The following TEX15 variants were observed in gnomAD, a reference collection of about 807,000 sequenced individuals.
TEX15 encodes the protein testis-expressed protein 15.
Under a neutral mutation model 237.3 loss-of-function variants are expected in TEX15, and 171 were observed. The ratio of observed to expected loss-of-function variants is 0.72; its 90% CI spans 0.64 to 0.82. The LOEUF (loss-of-function observed/expected upper bound fraction) is 0.82, where lower values mean the gene tolerates loss of function less well. Among genes scored for constraint, TEX15 ranks in the 40% least tolerant of loss-of-function variants. TEX15 has a pLI of 0.00. For synonymous variants in TEX15, 1,338 were observed against 1,269.8 expected, an observed-to-expected ratio of 1.05 and a Z score of -1.14; for missense variants, 3,750 against 3,646.5, an observed-to-expected ratio of 1.03 and a Z score of -0.73.
At chr8:30,860,933 A>G (rs1394400416) in intron 5 of TEX15, among the ~76,000 whole-genome samples, 1 of 151,468 alleles carries the variant, frequency 6.6e-6, no homozygotes, top group African/African-American at 2.4e-5. Flanking sequence ...TTTTTTTTTT[A>G]AGTCTGGGTT....
intron 1 of TEX15, among the ~76,000 whole-genome samples, chr8:30,911,159 G>T (rs979765544): frequency 6.6e-6 from 1 of 151,718 alleles, no homozygotes; most frequent in Non-Finnish European, 1.5e-5. Context: ...TCGCTCTGTC[G>T]CCCGGGCTGG....
chr8:30,877,255 A>G (rs543921636), intron 3 of TEX15, among the ~76,000 whole-genome samples: 1 of 152,334 alleles, frequency 6.6e-6, no homozygotes, highest in Non-Finnish European at 1.5e-5. Flanking sequence ...AGCATTGCTG[A>G]GTAACAAGTT....
intron 3 of TEX15, among the ~76,000 whole-genome samples, chr8:30,883,968 G>C (rs1808593397): frequency 1.3e-5 from 2 of 152,182 alleles, no homozygotes; most frequent in South Asian, 4.1e-4. Flanking sequence ...TTACATTCTT[G>C]CTTGATTCTT....
chr8:30,853,589 T>A (rs955594874), intron 7 of TEX15, among the ~76,000 whole-genome samples: 30 of 152,274 alleles, frequency 2.0e-4, no homozygotes, highest in East Asian at 3.9e-4. Context: ...TATGGGAGGA[T>A]GTGTGTAGGT....
intron 7 of TEX15, among the ~76,000 whole-genome samples, chr8:30,854,359 C>CT (rs1334748031): frequency 6.7e-6 from 1 of 149,230 alleles, no homozygotes; most frequent in East Asian, 1.9e-4. Flanking sequence ...TAAAGGAATA[C>CT]TATAAGCAAA....
intron 2 of TEX15, among the ~76,000 whole-genome samples, chr8:30,896,949 G>A (rs565937526): frequency 6.6e-6 from 1 of 152,318 alleles, no homozygotes; most frequent in South Asian, 2.1e-4. Flanking sequence ...AATATGTGGG[G>A]TGGTGGGAGG....
intron 2 of TEX15, among the ~76,000 whole-genome samples, chr8:30,898,150 A>G (rs1563277305): frequency 1.3e-5 from 2 of 152,204 alleles, no homozygotes; most frequent in African/African-American, 4.8e-5. Context: ...CAATTTACCC[A>G]TTTTTCTATC....
chr8:30,844,767 T>G lies in TEX15; in HGVS notation c.5400A>C (p.Glu1800Asp). 6.2e-7 allele frequency: 1 copy of G among 1,613,506 alleles called. No homozygotes were observed. Among genetic ancestry groups the G allele is most frequent in the South Asian group, 1.1e-5 (1 of 91,060 alleles). ...NYELDVASGT[E>D]EDKSYGENIV... ...TATTTTCCCCATAACTTTTATCTTC[T>G]TCAGTTCCTGATGCTACATCCAACT... The change falls in exon 8 of 11, where the codon GAA (glutamate) becomes GAC (aspartate). Residue 1800 changes from glutamate (E) to aspartate (D), a missense_variant. Physicochemically the swap from Glu to Asp is conservative, Grantham distance 45. Coordinates refer to ENST00000643185, the MANE Select transcript of TEX15 (RefSeq NM_001350162.2).
Position 30,842,724 on chromosome 8 carries a change from A to T in TEX15, c.7443T>A (p.Leu2481=), listed in dbSNP as rs1364245467. The T allele has an allele frequency of 3.1e-6, 5 of 1,613,430 alleles. No individual in the cohort carries two copies. Among genetic ancestry groups the T allele is most frequent in the Middle Eastern group, 1.6e-4 (1 of 6,076 alleles). Residue 2481 remains leucine (L), a synonymous_variant, in exon 8 of 11, where the codon CTT becomes CTA. Transcript: ENST00000643185. Reference sequence around the variant, plus strand: ...CTTGGCACTGAACCAGCTCAGGAAGAAGTGACAAATCAAACCAAAGCATAC... The same window carrying T: ...CTTGGCACTGAACCAGCTCAGGAAGTAGTGACAAATCAAACCAAAGCATAC... ...FRGMLWFDLS[L]LPELVQCQEK... is the part of the protein sequence containing the mutation.
intron 7 of TEX15, among the ~76,000 whole-genome samples, chr8:30,850,151 A>C (rs1807746273): frequency 6.6e-6 from 1 of 152,156 alleles, no homozygotes; most frequent in Non-Finnish European, 1.5e-5. Context: ...AAGTTCCATA[A>C]AATCTTTCCC....
In TEX15 at chr8:30,874,951, A is replaced by T; in HGVS notation, c.288T>A (p.Asn96Lys). The T allele has an allele frequency of 9.7e-6, 13 of 1,336,654 alleles. No homozygotes were observed. The highest frequency in any genetic ancestry group is 2.3e-5 in the South Asian group (1 of 43,222). The allele number at this position is 1,336,654 out of a possible 1,614,324, so 82.8% of individuals were successfully genotyped here. A position where few individuals can be genotyped will look rare whatever the true frequency, so the allele number is the denominator to read the frequency against. ...KLVHNEELEK[N>K]FTAKRSEMRE... ...TAGTAACTTACCTCTTAGCAGTAAA[A>T]TTTTTTTCCAGTTCCTCATTGTGAA... Residue 96 changes from asparagine (N) to lysine (K), a missense_variant, in exon 4 of 11, where the codon AAT becomes AAA. Physicochemically the swap from Asn to Lys is moderately conservative, Grantham distance 94 (BLOSUM62 0). Transcript: ENST00000643185.
At chr8:30,911,419 TAGGACTAC>T (rs1809216991) in intron 1 of TEX15, among the ~76,000 whole-genome samples, 1 of 152,242 alleles carries the variant, frequency 6.6e-6, no homozygotes, top group Non-Finnish European at 1.5e-5. Context: ...CCCAAAATGC[TAGGACTAC>T]AGGCGTTGAG....
chr8:30,841,902 C>T, intron 8 of TEX15, 102 bp downstream of exon 8: 2 of 727,080 alleles, frequency 2.8e-6, no homozygotes, highest in Non-Finnish European at 4.3e-6. Context: ...AGACAATTTA[C>T]CATTCTTAAC....
rs1195516158 is a variant in TEX15, at chr8:30,843,908, C to A, written c.6259G>T (p.Glu2087Ter). 6.2e-7 allele frequency: 1 copy of A among 1,611,482 alleles called. No individual in the cohort carries two copies. The highest frequency in any genetic ancestry group is 2.2e-5 in the East Asian group (1 of 44,862). ...QMMMETIQFI[E>*]NKKRHLEGEP... ...CCTTCTAAGTGCCTTTTTTTGTTTT[C>A]AATGAATTGAATTGTTTCCATCATC... The change falls in exon 8 of 11, where the codon GAA becomes TAA. Residue 2087 changes from glutamate to a stop codon, truncating the protein, a stop_gained. Coordinates refer to ENST00000643185, the MANE Select transcript of TEX15 (RefSeq NM_001350162.2). LOFTEE classifies it high-confidence loss of function.
At chr8:30,875,465 T>C (rs1014048181) in intron 3 of TEX15, among the ~76,000 whole-genome samples, 2 of 152,222 alleles carry the variant, frequency 1.3e-5, no homozygotes, top group African/African-American at 4.8e-5. Flanking sequence ...CAAGTAAAGA[T>C]AAGGCAATCT....
chr8:30,908,755 A>G (rs1413915286), intron 1 of TEX15, among the ~76,000 whole-genome samples: 2 of 152,174 alleles, frequency 1.3e-5, no homozygotes, highest in Non-Finnish European at 2.9e-5. Context: ...TTTGTTTTTG[A>G]TAAGAGGGGT....
chr8:30,877,279 A>G (rs1808420019), intron 3 of TEX15, among the ~76,000 whole-genome samples: 1 of 152,192 alleles, frequency 6.6e-6, no homozygotes, highest in Non-Finnish European at 1.5e-5. Context: ...ACAAAAAAGC[A>G]CTGCTGACTG....
At chr8:30,891,481 A>AC (rs1287647644) in intron 2 of TEX15, among the ~76,000 whole-genome samples, 114 of 144,046 alleles carry the variant, frequency 7.9e-4, no homozygotes, top group African/African-American at 2.2e-3. Flanking sequence ...TTCTCCCCGC[A>AC]CCCCCCCTTT....
At chr8:30,887,379 C>T in intron 2 of TEX15, 68 bp from the exon 3 acceptor site, 1 of 1,281,442 alleles carries the variant, frequency 7.8e-7, no homozygotes, top group Non-Finnish European at 1.0e-6. Flanking sequence ...GCAGTACAAT[C>T]ATTTAAAAGT....
Sources: allele counts gnomAD v4.1 joint callset (sites outside exome capture counted in the v4.1 genomes callset), GRCh38; gene constraint gnomAD v4.1.1; transcripts MANE v1.5; gene names NCBI Gene and HGNC (gene_info 2026-07-23, HGNC 2026-07-21).